TRIP12: variants seen among roughly 807,000 people sequenced by gnomAD.
TRIP12 encodes the protein thyroid hormone receptor interactor 12, also known as E3 ubiquitin-protein ligase TRIP12.
TRIP12 carries 25 observed loss-of-function variants against 244.2 expected under a neutral mutation model. That is an observed-to-expected ratio of 0.10 (90% CI 0.07 to 0.14). The LOEUF (loss-of-function observed/expected upper bound fraction) is 0.14. Among genes scored for constraint, TRIP12 ranks in the 10% least tolerant of loss-of-function variants. The pLI is 1.00. For synonymous variants in TRIP12, 905 were observed against 873.1 expected (o/e 1.04, Z -0.64); for missense variants, 1,677 against 2,486.4 (o/e 0.67, Z 6.92).
intron 1 of TRIP12, among the ~76,000 whole-genome samples, chr2:229,918,924 G>C (rs2075990476): frequency 6.6e-6 from 1 of 152,152 alleles, no homozygotes; most frequent in South Asian, 2.1e-4. Flanking sequence ...AGGTAAAATA[G>C]AGATTACCCA....
In TRIP12 at chr2:229,864,039, AGAGAGAGAGTGT is replaced by A. The variant is rs1171563912; in HGVS notation, c.99-3520_99-3509del. On this transcript the variant is annotated intron_variant, in intron 2 of 41. Transcript: ENST00000675903. The stretch of plus-strand genomic sequence containing the variant: ...GAGAGAGAGAGAGAGAGAGAGAGAG[AGAGAGAGAGTGT>A]GTGTGTGTGTGTGTGTGTGTGTGTG... Among the ~76,000 whole-genome samples the A allele has an allele frequency of 5.1e-3, 406 of 79,218 alleles. 1 individual carries two copies. The highest frequency in any genetic ancestry group is 0.012 in the African/African-American group (286 of 23,134). The allele number at this position is 79,218 out of a possible 152,430, so 52.0% of individuals were successfully genotyped here. A position where few individuals can be genotyped will look rare whatever the true frequency, so the allele number is the denominator to read the frequency against.
chr2:229,779,956 T>C (rs2037558980), intron 34 of TRIP12, among the ~76,000 whole-genome samples: 1 of 152,184 alleles, frequency 6.6e-6, no homozygotes, highest in Non-Finnish European at 1.5e-5. Context: ...ATATCACAGG[T>C]TATACTCTAA....
chr2:229,893,649 T>C (rs575550798), intron 1 of TRIP12, among the ~76,000 whole-genome samples: 4 of 152,258 alleles, frequency 2.6e-5, no homozygotes, highest in Non-Finnish European at 5.9e-5. Context: ...TACTTTCTTA[T>C]TGCTGAATAT....
At chr2:229,800,328 G>A (rs2043947558) in intron 21 of TRIP12, among the ~76,000 whole-genome samples, 1 of 152,078 alleles carries the variant, frequency 6.6e-6, no homozygotes, top group Admixed American at 6.5e-5. Context: ...AACACCTGTA[G>A]CCTGTTCTAA....
At chr2:229,891,373 T>G (rs776921744) in intron 1 of TRIP12, among the ~76,000 whole-genome samples, 1 of 151,568 alleles carries the variant, frequency 6.6e-6, no homozygotes, top group Non-Finnish European at 1.5e-5. Flanking sequence ...TGCAGTAAGC[T>G]GAGATCATGC....
At position 229,764,871 on chromosome 2, in the gene TRIP12, G is replaced by C. The variant is rs2031313527; in HGVS notation, c.*2683C>G. On this transcript the variant is annotated 3_prime_UTR_variant, in exon 42 of 42. Coordinates refer to ENST00000675903, the MANE Select transcript of TRIP12 (RefSeq NM_001348323.3). The stretch of plus-strand genomic sequence containing the variant: ...TAATTACTTTCTTTATATCCTGCTA[G>C]TGAAAGTTCTGTCACTACAAATGCA... The C allele has an allele frequency of 6.6e-6, 1 of 152,218 alleles. No individual in the cohort carries two copies. Among genetic ancestry groups the C allele is most frequent in the Non-Finnish European group, 1.5e-5 (1 of 68,042 alleles). The allele number at this position is 152,218 out of a possible 1,614,324, so 9.4% of individuals were successfully genotyped here.
intron 4 of TRIP12, among the ~76,000 whole-genome samples, chr2:229,855,523 T>C (rs946220438): frequency 7.9e-5 from 12 of 151,136 alleles, no homozygotes; most frequent in Non-Finnish European, 1.6e-4. Context: ...CCAAATAACA[T>C]TTCATTTTCT....
Position 229,791,263 on chromosome 2 carries a change from A to G in TRIP12, c.4416-12T>C. 2 of 1,613,872 alleles carry G rather than the reference A, an allele frequency of 1.2e-6. No homozygotes were observed. The highest frequency in any genetic ancestry group is 1.7e-6 in the Non-Finnish European group (2 of 1,179,886). On this transcript the variant is annotated splice_polypyrimidine_tract_variant and intron_variant, in intron 29 of 41. Coordinates refer to ENST00000675903, the MANE Select transcript of TRIP12 (RefSeq NM_001348323.3). ...TCACAGGTTTATACCTAAAATGACA[A>G]GACAGTATATAAACCAAATGTAGAT...
At chr2:229,812,205 C>T (rs2047429284) in intron 13 of TRIP12, among the ~76,000 whole-genome samples, 1 of 152,078 alleles carries the variant, frequency 6.6e-6, no homozygotes, top group Non-Finnish European at 1.5e-5. Flanking sequence ...ATCCTCCTGC[C>T]TCAGCCTCCT....
chr2:229,818,779 A>G (rs73099288), intron 8 of TRIP12, among the ~76,000 whole-genome samples: 1,602 of 152,260 alleles, frequency 0.011, 27 homozygotes, highest in African/African-American at 0.037. Flanking sequence ...AACAAAAAAT[A>G]ATATCCCTAA....
At chr2:229,899,528 T>A (rs564718840) in intron 1 of TRIP12, among the ~76,000 whole-genome samples, 1 of 152,262 alleles carries the variant, frequency 6.6e-6, no homozygotes, top group Admixed American at 6.5e-5. Context: ...ACTGGAATCT[T>A]TGGTAGGATG....
intron 4 of TRIP12, among the ~76,000 whole-genome samples, chr2:229,854,051 C>CT (rs1576077772): frequency 6.6e-6 from 1 of 152,010 alleles, no homozygotes; most frequent in African/African-American, 2.4e-5. Context: ...CTAGTTTTGA[C>CT]TTTCTTGTGT....
Position 229,778,722 on chromosome 2 carries a change from T to C in TRIP12, c.5210-135A>G. ...ATCACTGAATGAAGTCCTCTAGAAC[T>C]GGACAGGCCTTCCCTATTTGATAAA... On this transcript the variant is annotated intron_variant, in intron 35 of 41. Coordinates refer to ENST00000675903, the MANE Select transcript of TRIP12 (RefSeq NM_001348323.3). This position sits in a 1 kb window ranked among gnomAD's most constrained non-coding sequence, Gnocchi z 4.1. The C allele has an allele frequency of 7.4e-7, 1 of 1,349,838 alleles. No individual in the cohort carries two copies. Among genetic ancestry groups the C allele is most frequent in the Non-Finnish European group, 1.0e-6 (1 of 980,154 alleles). 83.6% of individuals were successfully genotyped at this position (1,349,838 alleles called of 1,614,324 possible).
intron 33 of TRIP12, among the ~76,000 whole-genome samples, chr2:229,786,251 G>A (rs1201131957): frequency 6.6e-6 from 1 of 152,086 alleles, no homozygotes; most frequent in African/African-American, 2.4e-5. Flanking sequence ...CAGGTGAGCT[G>A]GAAACCTACT....
At chr2:229,874,055 A>G (rs2063169002) in intron 2 of TRIP12, among the ~76,000 whole-genome samples, 1 of 152,030 alleles carries the variant, frequency 6.6e-6, no homozygotes, top group South Asian at 2.1e-4. Flanking sequence ...ACCATAAAAA[A>G]AAAACAGAAA....
chr2:229,888,994 CCT>C (rs2066685137), intron 1 of TRIP12, among the ~76,000 whole-genome samples: 1 of 152,042 alleles, frequency 6.6e-6, no homozygotes, highest in Non-Finnish European at 1.5e-5. Context: ...ATGTAATTTC[CCT>C]GTTTGTCGTT....
intron 4 of TRIP12, among the ~76,000 whole-genome samples, chr2:229,847,719 T>G (rs761291051): frequency 1.3e-5 from 2 of 152,280 alleles, no homozygotes; most frequent in East Asian, 3.9e-4. Flanking sequence ...TAGGGCAGTG[T>G]TGGGATTAAA....
At position 229,796,788 on chromosome 2, in the gene TRIP12, A is replaced by G; in HGVS notation, c.3625-6T>C. The stretch of plus-strand genomic sequence containing the variant: ...CACTCAGCTCCACCATCCACCTGAA[A>G]GAGTTAGGAAAAGTATTTCTATATT... On this transcript the variant is annotated splice_polypyrimidine_tract_variant and splice_region_variant and intron_variant, in intron 24 of 41. Coordinates refer to ENST00000675903, the MANE Select transcript of TRIP12 (RefSeq NM_001348323.3). 1 of 1,551,712 alleles carries G rather than the reference A, an allele frequency of 6.4e-7. No homozygotes were observed. Among genetic ancestry groups the G allele is most frequent in the Non-Finnish European group, 8.7e-7 (1 of 1,155,502 alleles).
At chr2:229,910,955 TG>T (rs1183592131) in intron 1 of TRIP12, among the ~76,000 whole-genome samples, 4 of 152,172 alleles carry the variant, frequency 2.6e-5, no homozygotes, top group Non-Finnish European at 5.9e-5. Context: ...TGCCATCTAC[TG>T]GGGGAAGGGC....
Sources: gnomAD v4.1 joint callset for allele counts (sites outside exome capture counted in the v4.1 genomes callset) on GRCh38, gnomAD v4.1.1 for gene constraint, Gnocchi (gnomAD v3.1) non-coding constraint, MANE v1.5 for transcripts, NCBI Gene and HGNC (gene_info 2026-07-23, HGNC 2026-07-21) for gene names.